ANKRD33B: variants seen among roughly 807,000 people sequenced by gnomAD.
The protein encoded by ANKRD33B is ankyrin repeat domain-containing protein 33B.
Under a neutral mutation model 21.5 loss-of-function variants are expected in ANKRD33B, and 6 were observed. The observed-to-expected ratio is 0.28, with a 90% CI of 0.15 to 0.55. The LOEUF (loss-of-function observed/expected upper bound fraction) is 0.55. ANKRD33B is among the 20% of genes least tolerant of loss of function. The pLI, the probability that ANKRD33B is intolerant of heterozygous loss-of-function variation, is 0.94. For missense variants in ANKRD33B, 698 were observed against 747.2 expected (o/e 0.93, Z 0.77); for synonymous variants, 347 against 342.4 (o/e 1.01, Z -0.15).
chr5:10,603,682 T>C (rs940245616), intron 1 of ANKRD33B, among the ~76,000 whole-genome samples: 1 of 152,206 alleles, frequency 6.6e-6, no homozygotes, highest in Admixed American at 6.5e-5. Context: ...TACTGAAGGC[T>C]TAGTGCATTT....
chr5:10,652,898 C>T lies in ANKRD33B; in HGVS notation c.*2785C>T, dbSNP rs1169191710. 2 of 232,896 alleles carry T rather than the reference C, an allele frequency of 8.6e-6. No homozygotes were observed. Among genetic ancestry groups the T allele is most frequent in the Non-Finnish European group, 1.8e-5 (2 of 108,930 alleles). 14.4% of individuals were successfully genotyped at this position (232,896 alleles called of 1,614,324 possible). On this transcript the variant is annotated 3_prime_UTR_variant, in exon 4 of 4. Transcript: ENST00000296657. This position sits in a 1 kb window ranked among gnomAD's most constrained non-coding sequence, Gnocchi z 4.1. Reference sequence around the variant, plus strand: ...CTGAGCCAACAAGCTTGGGGCAGGACACGGATTTCTTTGGCAAATCTGCAG... The same window carrying T: ...CTGAGCCAACAAGCTTGGGGCAGGATACGGATTTCTTTGGCAAATCTGCAG...
intron 1 of ANKRD33B, among the ~76,000 whole-genome samples, chr5:10,608,765 A>G (rs1396409182): frequency 2.0e-5 from 3 of 152,218 alleles, no homozygotes; most frequent in African/African-American, 4.8e-5. Context: ...AAGCATTCCT[A>G]TAAAGGAAAA....
rs1016539417 is a variant in ANKRD33B at position 10,650,318 on chromosome 5, C to G, written c.*205C>G. On this transcript the variant is annotated 3_prime_UTR_variant, in exon 4 of 4. Coordinates refer to ENST00000296657, the MANE Select transcript of ANKRD33B (RefSeq NM_001164440.2). ...CATGGATTCGCTTGTCGCCAGCCCT[C>G]CTAGCAATCAGTACACCTAGCGGGC... The G allele has an allele frequency of 1.1e-5, 5 of 460,430 alleles. No individual in the cohort carries two copies. In the South Asian group the frequency reaches 2.7e-4, roughly 25 times the overall value. 28.5% of individuals were successfully genotyped at this position (460,430 alleles called of 1,614,324 possible). A position where few individuals can be genotyped will look rare whatever the true frequency, so the allele number is the denominator to read the frequency against.
chr5:10,610,860 C>T (rs1173355669), intron 1 of ANKRD33B, among the ~76,000 whole-genome samples: 3 of 152,012 alleles, frequency 2.0e-5, no homozygotes, highest in East Asian at 1.9e-4. Flanking sequence ...GCTTGGCCAA[C>T]GTGGCGAAAC....
chr5:10,646,001 A>G (rs1477168823), intron 3 of ANKRD33B, among the ~76,000 whole-genome samples: 3 of 152,320 alleles, frequency 2.0e-5, no homozygotes, highest in East Asian at 1.9e-4. Flanking sequence ...ATGTTCTCCA[A>G]TGCACAGGAC....
chr5:10,619,943 G>C lies in ANKRD33B; in HGVS notation c.496+1481G>C, dbSNP rs11748380. ...AGTTCATGATAAGGTCTTGCAAGAA[G>C]GGGATTTGAGCTGGGGCTGAGAGGG... On this transcript the variant is annotated intron_variant, in intron 2 of 3. Coordinates refer to ENST00000296657, the MANE Select transcript of ANKRD33B (RefSeq NM_001164440.2). The surrounding 1 kb of genome is among the most constrained non-coding windows in gnomAD (Gnocchi z 4.5). Among the ~76,000 whole-genome samples the C allele has an allele frequency of 6.6e-6, 1 of 152,024 alleles. No homozygotes were observed. The highest frequency in any genetic ancestry group is 2.4e-5 in the African/African-American group (1 of 41,384).
intron 2 of ANKRD33B, among the ~76,000 whole-genome samples, chr5:10,622,275 C>T (rs1243410633): frequency 2.6e-5 from 4 of 152,192 alleles, no homozygotes; most frequent in Admixed American, 6.5e-5. Context: ...ACCAGCACTT[C>T]CCTGGAGGGA....
intron 1 of ANKRD33B, among the ~76,000 whole-genome samples, chr5:10,601,316 T>A (rs2126568533): frequency 6.6e-6 from 1 of 152,318 alleles, no homozygotes; most frequent in South Asian, 2.1e-4. Context: ...TCAGCCCTCG[T>A]GGAAGCCCGT....
Position 10,613,565 on chromosome 5 carries a change from T to G in ANKRD33B, c.367-4768T>G, listed in dbSNP as rs1736219137. ...CTTTTTTCAATGTTAATTAAAATGA[T>G]ATAATTTCCTCATGAATACAGCTTT... On this transcript the variant is annotated intron_variant, in intron 1 of 3. Transcript: ENST00000296657. 3.3e-5 allele frequency among the ~76,000 whole-genome samples: 5 copies of G among 152,152 alleles called. No individual in the cohort carries two copies. The South Asian group carries it at 1.0e-3, about 31-fold the overall frequency.
chr5:10,644,019 A>AG (rs1560987314), intron 3 of ANKRD33B, among the ~76,000 whole-genome samples: 1 of 150,760 alleles, frequency 6.6e-6, no homozygotes, highest in Non-Finnish European at 1.5e-5. Flanking sequence ...AAAAAAAAAA[A>AG]AAGTGTTGAA....
chr5:10,566,492 C>T (rs1015138387), intron 1 of ANKRD33B, among the ~76,000 whole-genome samples: 1 of 152,154 alleles, frequency 6.6e-6, no homozygotes, highest in African/African-American at 2.4e-5. Flanking sequence ...TGGGGTGGGC[C>T]TCTCCCCCTG....
intron 1 of ANKRD33B, among the ~76,000 whole-genome samples, chr5:10,605,864 T>TA (rs1447446938): frequency 1.3e-5 from 2 of 152,240 alleles, no homozygotes; most frequent in African/African-American, 4.8e-5. Context: ...CTAGCCTTGC[T>TA]AGTTCCTTTA....
intron 1 of ANKRD33B, among the ~76,000 whole-genome samples, chr5:10,610,886 A>C (rs1022272403): frequency 2.0e-5 from 3 of 152,150 alleles, no homozygotes; most frequent in Non-Finnish European, 4.4e-5. Context: ...TCTACTAAAA[A>C]TAAAAAAATT....
chr5:10,637,425 G>GAGACACACACACACACACACAC (rs1275126479), intron 2 of ANKRD33B, among the ~76,000 whole-genome samples: 1 of 100,334 alleles, frequency 1.0e-5, no homozygotes, highest in African/African-American at 4.4e-5. Flanking sequence ...TAGGTAGTTA[G>GAGACACACACACACACACACAC]ACACACACAC....
chr5:10,648,815 C>T (rs903885422), intron 3 of ANKRD33B, among the ~76,000 whole-genome samples: 10 of 151,172 alleles, frequency 6.6e-5, no homozygotes, highest in Admixed American at 5.9e-4. Context: ...TTATTCAGGA[C>T]AGATAATCAA....
chr5:10,585,730 C>T (rs910292070), intron 1 of ANKRD33B, among the ~76,000 whole-genome samples: 4 of 152,188 alleles, frequency 2.6e-5, no homozygotes, highest in African/African-American at 9.7e-5. Context: ...GGTTACCATG[C>T]TGGGTGAGGG....
At position 10,564,410 on chromosome 5, in the gene ANKRD33B, C is replaced by A; in HGVS notation, c.-58C>A. On this transcript the variant is annotated 5_prime_UTR_variant, in exon 1 of 4. Transcript: ENST00000296657. The stretch of plus-strand genomic sequence containing the variant: ...AGAAGCGGGGACCTCGGCGCGCGCC[C>A]CGCGTCCCGCTCTTCCTGCCCGCGC... 1 of 1,011,686 alleles carries A rather than the reference C, an allele frequency of 9.9e-7. No homozygotes were observed. The highest frequency in any genetic ancestry group is 4.6e-5 in the South Asian group (1 of 21,742). The allele number at this position is 1,011,686 out of a possible 1,614,324, so 62.7% of individuals were successfully genotyped here. A position where few individuals can be genotyped will look rare whatever the true frequency, so the allele number is the denominator to read the frequency against.
rs571458872 is a variant in ANKRD33B, at chr5:10,618,675, A to T, written c.496+213A>T. Reference sequence around the variant, plus strand: ...CAGTATGGGCAGATCAAGCTCCGATACTGCCCAAAGTTTTTGAATATGAAT... The same window carrying T: ...CAGTATGGGCAGATCAAGCTCCGATTCTGCCCAAAGTTTTTGAATATGAAT... On this transcript the variant is annotated intron_variant, in intron 2 of 3. Coordinates refer to ENST00000296657, the MANE Select transcript of ANKRD33B (RefSeq NM_001164440.2). 5.1e-4 allele frequency among the ~76,000 whole-genome samples: 77 copies of T among 152,334 alleles called. 1 individual carries two copies. The South Asian group carries it at 0.012, about 24-fold the overall frequency.
intron 1 of ANKRD33B, among the ~76,000 whole-genome samples, chr5:10,601,176 A>C (rs1735920730): frequency 1.3e-5 from 2 of 152,112 alleles, no homozygotes; most frequent in South Asian, 4.1e-4. Context: ...ATAGAAGAAA[A>C]TGTGGCAAGG....
Sources: gnomAD v4.1 joint callset for allele counts (sites outside exome capture counted in the v4.1 genomes callset) on GRCh38, gnomAD v4.1.1 for gene constraint, Gnocchi (gnomAD v3.1) non-coding constraint, MANE v1.5 for transcripts, NCBI Gene and HGNC (gene_info 2026-07-23, HGNC 2026-07-21) for gene names.